The following SP6 variants were observed in gnomAD, a reference collection of about 807,000 sequenced individuals.
SP6 encodes transcription factor Sp6.
A neutral mutation model predicts 23.4 loss-of-function variants in SP6; 10 were observed. The ratio of observed to expected loss-of-function variants is 0.43; its 90% CI spans 0.26 to 0.72. The LOEUF (loss-of-function observed/expected upper bound fraction) is 0.72, where lower values mean the gene tolerates loss of function less well. SP6 is among the 30% of genes least tolerant of loss of function. The pLI, the probability that SP6 is intolerant of heterozygous loss-of-function variation, is 0.23. For missense variants in SP6, 482 were observed against 523.8 expected, an observed-to-expected ratio of 0.92 and a Z score of 0.78; for synonymous variants, 238 against 238.7, an observed-to-expected ratio of 1.00 and a Z score of 0.03.
chr17:47,863,738 A>ATT, the SP6 span, among the ~76,000 whole-genome samples: 5,957 of 98,738 alleles, frequency 0.06, 882 homozygotes, highest in African/African-American at 0.22. Context: ...CTAATTTTGT[A>ATT]TTTTTTTTTT....
chr17:47,859,358 C>G (rs548889478), upstream of SP6, among the ~76,000 whole-genome samples: 4 of 152,210 alleles, frequency 2.6e-5, no homozygotes, highest in Non-Finnish European at 4.4e-5. Context: ...GGCACATAGG[C>G]GGCTTTCTCT....
upstream of SP6, among the ~76,000 whole-genome samples, chr17:47,857,907 G>A (rs946707702): frequency 8.6e-6 from 1 of 116,166 alleles, no homozygotes; most frequent in African/African-American, 3.2e-5. Context: ...TCCCCTACCC[G>A]CCCCCTGGCC....
upstream of SP6, among the ~76,000 whole-genome samples, chr17:47,852,163 A>G (rs1327009637): frequency 1.3e-5 from 2 of 152,118 alleles, no homozygotes; most frequent in African/African-American, 4.8e-5. Flanking sequence ...ACTAAACCCA[A>G]GGTTCTTAAC....
At chr17:47,872,150 T>A in the SP6 span, among the ~76,000 whole-genome samples, 1 of 151,088 alleles carries the variant, frequency 6.6e-6, no homozygotes, top group Admixed American at 6.6e-5. Flanking sequence ...TCGCAGGTAG[T>A]TCCAACCTCA....
At position 47,846,380 on chromosome 17, in the gene SP6, A is replaced by T. The variant is rs1324927858; in HGVS notation, c.*919T>A. ...GGGGAAGGCAACTGGTGGGAACTAC[A>T]TGGATTCTACCGCTGGCTGCCTTGA... On this transcript the variant is annotated 3_prime_UTR_variant, in exon 2 of 2. Transcript: ENST00000536300. 2 of 152,270 alleles carry T rather than the reference A, an allele frequency of 1.3e-5. No homozygotes were observed. The highest frequency in any genetic ancestry group is 4.8e-5 in the African/African-American group (2 of 41,438). 9.4% of individuals were successfully genotyped at this position (152,270 alleles called of 1,614,324 possible).
Position 47,846,756 on chromosome 17 carries a change from G to C in SP6, c.*543C>G, listed in dbSNP as rs2033889463. 1 of 152,626 alleles carries C rather than the reference G, an allele frequency of 6.6e-6. No individual in the cohort carries two copies. Among genetic ancestry groups the C allele is most frequent in the South Asian group, 2.1e-4 (1 of 4,840 alleles). The allele number at this position is 152,626 out of a possible 1,614,324, so 9.5% of individuals were successfully genotyped here. Reference sequence around the variant, plus strand: ...AACCAGAAAGAGACACCCCTGCCAAGGGGGACCCCCAGGCTCCCCCATCCC... The same window carrying C: ...AACCAGAAAGAGACACCCCTGCCAACGGGGACCCCCAGGCTCCCCCATCCC... On this transcript the variant is annotated 3_prime_UTR_variant, in exon 2 of 2. Coordinates refer to ENST00000536300, the MANE Select transcript of SP6 (RefSeq NM_001258248.2).
chr17:47,869,290 G>A, the SP6 span, among the ~76,000 whole-genome samples: 5 of 152,306 alleles, frequency 3.3e-5, no homozygotes, highest in South Asian at 2.1e-4. Flanking sequence ...AATTAACCCC[G>A]CCCAGGTTGG....
At chr17:47,875,825 G>T in the SP6 span, among the ~76,000 whole-genome samples, 1 of 152,070 alleles carries the variant, frequency 6.6e-6, no homozygotes, top group Non-Finnish European at 1.5e-5. Context: ...TTTAACTGTG[G>T]CTCTTCTTTC....
chr17:47,866,000 C>T, the SP6 span, among the ~76,000 whole-genome samples: 4 of 152,168 alleles, frequency 2.6e-5, no homozygotes, highest in African/African-American at 9.7e-5. Context: ...GGCCAGGGCT[C>T]AGGGGAGACA....
At chr17:47,859,661 C>T (rs1310050997), upstream of SP6, among the ~76,000 whole-genome samples, 3 of 152,142 alleles carry the variant, frequency 2.0e-5, no homozygotes, top group East Asian at 1.9e-4. Context: ...AAGCCTGGGT[C>T]GGGGAACTTA....
the SP6 span, among the ~76,000 whole-genome samples, chr17:47,868,606 A>G: frequency 6.6e-6 from 1 of 152,130 alleles, no homozygotes; most frequent in Admixed American, 6.5e-5. Flanking sequence ...GTAGCCTCCT[A>G]ATGCCAGCCA....
At chr17:47,873,686 G>T in the SP6 span, among the ~76,000 whole-genome samples, 3 of 152,160 alleles carry the variant, frequency 2.0e-5, no homozygotes, top group Admixed American at 2.0e-4. Flanking sequence ...TGCTGCCAAG[G>T]GTCCTTGAGC....
rs2033924688 is a variant in SP6 at position 47,848,757 on chromosome 17, G to C, written c.-57-271C>G. ...CTAGAGTTGGGCCACTCCCAGGATG[G>C]TAGGTCAGATACACCTACAGCACAG... On this transcript the variant is annotated intron_variant, in intron 1 of 1. Transcript: ENST00000536300. This position sits in a 1 kb window ranked among gnomAD's most constrained non-coding sequence, Gnocchi z 5.3. 1.3e-5 allele frequency among the ~76,000 whole-genome samples: 2 copies of C among 152,068 alleles called. No homozygotes were observed. Among genetic ancestry groups the C allele is most frequent in the Admixed American group, 1.3e-4 (2 of 15,274 alleles).
chr17:47,867,098 C>T, the SP6 span, among the ~76,000 whole-genome samples: 21 of 152,226 alleles, frequency 1.4e-4, no homozygotes, highest in Admixed American at 4.6e-4. Context: ...CGTACTTCGG[C>T]GGCTGATGAC....
Position 47,848,085 on chromosome 17 carries a change from C to T in SP6, c.345G>A (p.Ala115=), listed in dbSNP as rs1380095386. The T allele has an allele frequency of 6.2e-7, 1 of 1,613,474 alleles. No individual in the cohort carries two copies. The highest frequency in any genetic ancestry group is 8.5e-7 in the Non-Finnish European group (1 of 1,179,956). The part of the protein sequence containing the change: ...ESWFRPTHPG[A]EDGSWWDLHP... ...GAAGGTCCCACCACGAGCCATCCTCCGCGCCTGGGTGAGTCGGCCTGAACC... is the reference window on the plus strand; with the variant it reads ...GAAGGTCCCACCACGAGCCATCCTCTGCGCCTGGGTGAGTCGGCCTGAACC... The change falls in exon 2 of 2, where the codon GCG becomes GCA. Residue 115 remains alanine, a synonymous_variant. Transcript: ENST00000536300. The surrounding 1 kb of genome is among the most constrained non-coding windows in gnomAD (Gnocchi z 5.3).
chr17:47,866,956 C>T, the SP6 span, among the ~76,000 whole-genome samples: 1 of 151,862 alleles, frequency 6.6e-6, no homozygotes, highest in African/African-American at 2.4e-5. Flanking sequence ...CGTGTCCAGG[C>T]GAAGACTCCT....
At chr17:47,867,569 G>C in the SP6 span, among the ~76,000 whole-genome samples, 1 of 152,168 alleles carries the variant, frequency 6.6e-6, no homozygotes, top group Non-Finnish European at 1.5e-5. Context: ...TCTTGTGCAA[G>C]GGTAGACCAC....
the SP6 span, among the ~76,000 whole-genome samples, chr17:47,862,131 A>T: frequency 6.3e-4 from 95 of 151,570 alleles, no homozygotes; most frequent in Non-Finnish European, 1.3e-3. Flanking sequence ...GGATCACCGG[A>T]GGTCAGGAGT....
rs1355794527 is a variant in SP6 at position 47,847,967 on chromosome 17, A to G, written c.463T>C (p.Tyr155His). 2 of 1,577,604 alleles carry G rather than the reference A, an allele frequency of 1.3e-6. No individual in the cohort carries two copies. The highest frequency in any genetic ancestry group is 1.7e-6 in the Non-Finnish European group (2 of 1,161,370). ...PGALQAGLGG[Y>H]VGDHQLCAPP... ...GCACAAAGCTGGTGGTCTCCGACGT[A>G]GCCCCCCAAGCCCGCCTGAAGCGCC... Residue 155 changes from tyrosine (Y) to histidine (H), a missense_variant, in exon 2 of 2, where the codon TAC becomes CAC. By Grantham distance (83) the Tyr-to-His change is moderately conservative. Around this residue, in one of 3 missense-constraint regions of SP6, gnomAD observed 330 missense variants for 332.3 expected, o/e 0.99. Coordinates refer to ENST00000536300, the MANE Select transcript of SP6 (RefSeq NM_001258248.2).
Sources: gnomAD v4.1 joint callset for allele counts (sites outside exome capture counted in the v4.1 genomes callset) on GRCh38, gnomAD v4.1.1 for gene constraint, gnomAD v4.1.1 regional missense constraint, Gnocchi (gnomAD v3.1) non-coding constraint, MANE v1.5 for transcripts, NCBI Gene and HGNC (gene_info 2026-07-23, HGNC 2026-07-21) for gene names.